The following CAPN5 variants were observed in gnomAD, a reference collection of about 807,000 sequenced individuals.
CAPN5 encodes the protein calpain-5.
CAPN5 carries 54 observed loss-of-function variants against 73.0 expected under a neutral mutation model. The ratio of observed to expected loss-of-function variants is 0.74; its 90% CI spans 0.59 to 0.93. The LOEUF (loss-of-function observed/expected upper bound fraction) is 0.93, where lower values mean the gene tolerates loss of function less well. Ranked by LOEUF, CAPN5 falls within the 40% of genes least tolerant of loss-of-function variation. The probability of loss-of-function intolerance (pLI) is 0.00; values close to 1 mark genes in which losing one functional copy is unlikely to be tolerated. For missense variants in CAPN5, 785 were observed against 882.9 expected (o/e 0.89, Z 1.41); for synonymous variants, 335 against 356.9 (o/e 0.94, Z 0.69).
chr11:77,122,321 C>T (rs1555042962), intron 11 of CAPN5, among the ~76,000 whole-genome samples: 1 of 152,134 alleles, frequency 6.6e-6, no homozygotes, highest in Non-Finnish European at 1.5e-5. Context: ...GATACAAAGC[C>T]TGATGAAAGG....
At chr11:77,093,907 T>C in intron 3 of CAPN5, 94 bp downstream of exon 3, 8 of 1,516,086 alleles carry the variant, frequency 5.3e-6, no homozygotes, top group Non-Finnish European at 7.1e-6. Flanking sequence ...TTGTGGCAGA[T>C]GAGACTTTCA....
chr11:77,119,360 A>G, intron 9 of CAPN5: 1 of 592,846 alleles, frequency 1.7e-6, no homozygotes, highest in Non-Finnish European at 3.0e-6. Context: ...CTTCTGTGGG[A>G]GCTCTCAGCC....
intron 1 of CAPN5, among the ~76,000 whole-genome samples, chr11:77,078,579 CTG>C (rs1382066932): frequency 6.6e-6 from 1 of 152,118 alleles, no homozygotes; most frequent in East Asian, 1.9e-4. Context: ...ATTTTAAGGA[CTG>C]TTTTTTATTT....
At chr11:77,091,673 C>G (rs1316266798) in intron 2 of CAPN5, among the ~76,000 whole-genome samples, 1 of 152,134 alleles carries the variant, frequency 6.6e-6, no homozygotes. Context: ...GGAAGAGGGG[C>G]CTGCTCTGTT....
intron 8 of CAPN5, 84 bp downstream of exon 8, chr11:77,118,436 C>A (rs1950490230): frequency 2.5e-6 from 3 of 1,201,832 alleles, no homozygotes. Context: ...TCCTGCATGA[C>A]CTTGGGTAAT....
At chr11:77,100,468 AC>A (rs1305098317) in intron 3 of CAPN5, among the ~76,000 whole-genome samples, 8 of 145,484 alleles carry the variant, frequency 5.5e-5, no homozygotes, top group African/African-American at 2.1e-4. Context: ...ACTGCCCCCC[AC>A]CTTCGGCCTC....
chr11:77,085,164 T>C, intron 2 of CAPN5, 113 bp downstream of exon 2: 1 of 872,136 alleles, frequency 1.1e-6, no homozygotes, highest in Non-Finnish European at 1.8e-6. Flanking sequence ...CCCAGGCTGC[T>C]GAGAAAGTGA....
chr11:77,098,771 C>CG (rs1402351583), intron 3 of CAPN5, among the ~76,000 whole-genome samples: 4,955 of 17,822 alleles, frequency 0.28, no homozygotes, highest in Non-Finnish European at 0.34. Context: ...GCTGGCCGGG[C>CG]GGGGGGGCTG....
At chr11:77,079,724 G>A (rs143148366) in intron 1 of CAPN5, among the ~76,000 whole-genome samples, 44 of 151,558 alleles carry the variant, frequency 2.9e-4, no homozygotes, top group African/African-American at 9.7e-4. Context: ...AAATGGTTTC[G>A]CAAAGTGATT....
chr11:77,103,606 C>T (rs1950313017), intron 3 of CAPN5, among the ~76,000 whole-genome samples: 1 of 152,184 alleles, frequency 6.6e-6, no homozygotes, highest in East Asian at 1.9e-4. Context: ...GGCCAGTGTG[C>T]ATGGACAGTG....
intron 10 of CAPN5, among the ~76,000 whole-genome samples, chr11:77,121,148 A>G (rs1950517129): frequency 6.6e-6 from 1 of 152,164 alleles, no homozygotes; most frequent in Non-Finnish European, 1.5e-5. Context: ...AGAAGCTTTC[A>G]CTCATCTTGA....
chr11:77,088,357 C>T (rs1418657732), intron 2 of CAPN5, among the ~76,000 whole-genome samples: 1 of 152,144 alleles, frequency 6.6e-6, no homozygotes, highest in Non-Finnish European at 1.5e-5. Context: ...TGCCACAGAA[C>T]AGTCAGTTTG....
rs1950566943 is a variant in CAPN5 at position 77,125,612 on chromosome 11, C to T, written c.*1742C>T. ...CTCTATGTATCTCTGTATGCACACGCACTATATATATATATATATATATAT... is the reference window on the plus strand; with the variant it reads ...CTCTATGTATCTCTGTATGCACACGTACTATATATATATATATATATATAT... On this transcript the variant is annotated 3_prime_UTR_variant, in exon 13 of 13. Coordinates refer to ENST00000648180, the MANE Select transcript of CAPN5 (RefSeq NM_004055.5). The T allele has an allele frequency of 7.7e-6, 1 of 129,332 alleles. No homozygotes were observed. The highest frequency in any genetic ancestry group is 3.8e-5 in the African/African-American group (1 of 26,118). The allele number at this position is 129,332 out of a possible 1,614,324, so 8.0% of individuals were successfully genotyped here.
intron 2 of CAPN5, among the ~76,000 whole-genome samples, chr11:77,090,400 C>T (rs1310851880): frequency 6.6e-6 from 1 of 152,208 alleles, no homozygotes; most frequent in Non-Finnish European, 1.5e-5. Context: ...TGTCTGGGGC[C>T]AGAGCCCTGA....
intron 2 of CAPN5, among the ~76,000 whole-genome samples, chr11:77,086,011 T>C (rs1355680036): frequency 6.6e-6 from 1 of 152,166 alleles, no homozygotes; most frequent in African/African-American, 2.4e-5. Context: ...ATGAGGTTTT[T>C]GCCCAAAGGG....
chr11:77,082,026 C>G (rs1039643091), intron 1 of CAPN5, among the ~76,000 whole-genome samples: 6 of 152,086 alleles, frequency 3.9e-5, no homozygotes, highest in Non-Finnish European at 7.4e-5. Context: ...GAGAGAGGAG[C>G]TGGACACAGC....
chr11:77,086,709 C>G (rs1950089354), intron 2 of CAPN5, among the ~76,000 whole-genome samples: 1 of 152,218 alleles, frequency 6.6e-6, no homozygotes, highest in Admixed American at 6.5e-5. Context: ...CTTCGCCCTC[C>G]TCCCACTCCA....
intron 3 of CAPN5, among the ~76,000 whole-genome samples, chr11:77,103,512 C>T (rs1555039373): frequency 1.3e-5 from 2 of 152,180 alleles, no homozygotes; most frequent in Admixed American, 6.5e-5. Context: ...AGCACTCCAG[C>T]TCACAGGAAG....
intron 1 of CAPN5, among the ~76,000 whole-genome samples, chr11:77,069,529 A>G (rs1949880259): frequency 6.6e-6 from 1 of 152,022 alleles, no homozygotes; most frequent in Admixed American, 6.5e-5. Flanking sequence ...CCTTGAGGAG[A>G]GGCAAGGGCT....
Sources: gnomAD v4.1 joint callset for allele counts (sites outside exome capture counted in the v4.1 genomes callset) on GRCh38, gnomAD v4.1.1 for gene constraint, MANE v1.5 for transcripts, NCBI Gene and HGNC (gene_info 2026-07-23, HGNC 2026-07-21) for gene names.